SLCO6A1: variants seen among roughly 807,000 people sequenced by gnomAD.
The protein encoded by SLCO6A1 is solute carrier organic anion transporter family member 6A1.
In SLCO6A1, 65 loss-of-function variants were observed where a neutral mutation model predicts 72.7. The observed-to-expected ratio is 0.89, with a 90% confidence interval of 0.73 to 1.10. The LOEUF (loss-of-function observed/expected upper bound fraction) is 1.10, where lower values mean the gene tolerates loss of function less well. SLCO6A1 is among the 50% of genes least tolerant of loss of function. The pLI is 0.00. For synonymous variants in SLCO6A1, 314 were observed against 298.2 expected (o/e 1.05, Z -0.55); for missense variants, 874 against 872.6 (o/e 1.00, Z -0.02).
chr5:102,398,143 C>T (rs1222816263), intron 10 of SLCO6A1, among the ~76,000 whole-genome samples: 1 of 152,046 alleles, frequency 6.6e-6, no homozygotes, highest in African/African-American at 2.4e-5. Flanking sequence ...TAGATTTCTC[C>T]ATATTTTGTA....
intron 10 of SLCO6A1, among the ~76,000 whole-genome samples, chr5:102,397,863 T>C (rs1747182720): frequency 6.6e-6 from 1 of 152,136 alleles, no homozygotes; most frequent in Non-Finnish European, 1.5e-5. Flanking sequence ...ACTGAAACTA[T>C]AGTGTGTGTC....
chr5:102,408,195 A>G (rs1747776605), intron 9 of SLCO6A1, among the ~76,000 whole-genome samples: 1 of 152,122 alleles, frequency 6.6e-6, no homozygotes, highest in African/African-American at 2.4e-5. Context: ...TATTAATAAA[A>G]TAGAACAATT....
intron 4 of SLCO6A1, among the ~76,000 whole-genome samples, chr5:102,465,945 A>G (rs1156694630): frequency 6.6e-6 from 1 of 152,148 alleles, no homozygotes; most frequent in Non-Finnish European, 1.5e-5. Context: ...TCTCTACTAT[A>G]CAGCAGAAAC....
chr5:102,466,286 C>T (rs1364574924), intron 4 of SLCO6A1, among the ~76,000 whole-genome samples: 1 of 151,980 alleles, frequency 6.6e-6, no homozygotes, highest in Non-Finnish European at 1.5e-5. Flanking sequence ...ATTTGGTTTT[C>T]TATTCCTGCA....
At chr5:102,457,796 T>C (rs948380159) in intron 6 of SLCO6A1, among the ~76,000 whole-genome samples, 6 of 152,168 alleles carry the variant, frequency 3.9e-5, no homozygotes, top group East Asian at 3.9e-4. Context: ...TAAAGACACA[T>C]GCACATGTAT....
intron 7 of SLCO6A1, among the ~76,000 whole-genome samples, chr5:102,430,597 T>C (rs987635208): frequency 6.6e-6 from 1 of 152,168 alleles, no homozygotes; most frequent in African/African-American, 2.4e-5. Flanking sequence ...TGATAAATCA[T>C]GTTTATTGAC....
chr5:102,460,095 T>A (rs1750948110), intron 4 of SLCO6A1, among the ~76,000 whole-genome samples: 1 of 152,122 alleles, frequency 6.6e-6, no homozygotes, highest in Non-Finnish European at 1.5e-5. Flanking sequence ...AGAAGCTATG[T>A]ATTTGGAACA....
intron 7 of SLCO6A1, among the ~76,000 whole-genome samples, chr5:102,432,956 T>C (rs1749300768): frequency 6.6e-6 from 1 of 152,168 alleles, no homozygotes; most frequent in Admixed American, 6.5e-5. Flanking sequence ...TTTTTGTTCA[T>C]TTTGTTTGTT....
intron 6 of SLCO6A1, among the ~76,000 whole-genome samples, chr5:102,439,468 AATTT>A (rs1362632276): frequency 6.6e-6 from 1 of 152,078 alleles, no homozygotes; most frequent in Non-Finnish European, 1.5e-5. Context: ...ACATATTTCT[AATTT>A]ATTTAAATTT....
At chr5:102,466,596 C>T (rs907607064) in intron 4 of SLCO6A1, among the ~76,000 whole-genome samples, 10 of 151,888 alleles carry the variant, frequency 6.6e-5, no homozygotes, top group Non-Finnish European at 1.2e-4. Flanking sequence ...GAGGAATTAC[C>T]GCACTGTCTT....
chr5:102,483,540 C>G (rs1044473364), intron 1 of SLCO6A1, among the ~76,000 whole-genome samples: 10 of 152,136 alleles, frequency 6.6e-5, no homozygotes, highest in Non-Finnish European at 1.5e-4. Context: ...ACTGAAGTGG[C>G]AAGCAATTTT....
rs184803688 is a variant in SLCO6A1 at position 102,464,929 on chromosome 5, T to A, written c.900-5152A>T. On this transcript the variant is annotated intron_variant, in intron 4 of 13. Transcript: ENST00000506729. ...AGAAAAGTAGGGAGTGGAACTATAG[T>A]AGCAAACTGATGATATCCAACACAA... is the stretch of plus-strand genomic sequence containing the variant. Among the ~76,000 whole-genome samples the A allele has an allele frequency of 1.8e-4, 27 of 152,146 alleles. 1 individual carries two copies. The highest frequency in any genetic ancestry group is 1.6e-3 in the Admixed American group (24 of 15,274).
chr5:102,473,843 T>C (rs1466206149), intron 4 of SLCO6A1, among the ~76,000 whole-genome samples: 1 of 151,898 alleles, frequency 6.6e-6, no homozygotes, highest in East Asian at 1.9e-4. Flanking sequence ...ACACTGACAA[T>C]GAACAGTGTA....
At chr5:102,427,992 C>T (rs888377265) in intron 7 of SLCO6A1, among the ~76,000 whole-genome samples, 1 of 149,910 alleles carries the variant, frequency 6.7e-6, no homozygotes, top group African/African-American at 2.4e-5. Context: ...CCTTAGCCTC[C>T]CAAGTAGCTG....
intron 7 of SLCO6A1, among the ~76,000 whole-genome samples, chr5:102,422,984 G>T (rs1748689978): frequency 6.6e-6 from 1 of 152,142 alleles, no homozygotes. Flanking sequence ...CATTCTTAAA[G>T]AAAATAATTT....
intron 6 of SLCO6A1, among the ~76,000 whole-genome samples, chr5:102,450,677 G>A (rs1382610508): frequency 2.0e-5 from 3 of 152,340 alleles, no homozygotes; most frequent in African/African-American, 7.2e-5. Flanking sequence ...GATCTTGGCA[G>A]TGGCAATGGC....
intron 6 of SLCO6A1, among the ~76,000 whole-genome samples, chr5:102,441,387 T>C (rs1025456679): frequency 5.3e-5 from 8 of 152,276 alleles, no homozygotes; most frequent in African/African-American, 1.9e-4. Context: ...TGTGTAACAT[T>C]TAGTCTGTTG....
At chr5:102,440,927 G>A (rs998342729) in intron 6 of SLCO6A1, among the ~76,000 whole-genome samples, 2 of 151,996 alleles carry the variant, frequency 1.3e-5, no homozygotes, top group Non-Finnish European at 2.9e-5. Flanking sequence ...CTTAGCTATT[G>A]GGATTCTTTT....
intron 7 of SLCO6A1, among the ~76,000 whole-genome samples, chr5:102,437,414 C>T (rs1749600486): frequency 6.6e-6 from 1 of 152,130 alleles, no homozygotes; most frequent in Non-Finnish European, 1.5e-5. Flanking sequence ...GTTCAGCTGG[C>T]TAGATCCAGG....
Sources: gnomAD v4.1 joint callset for allele counts (sites outside exome capture counted in the v4.1 genomes callset) on GRCh38, gnomAD v4.1.1 for gene constraint, MANE v1.5 for transcripts, NCBI Gene and HGNC (gene_info 2026-07-23, HGNC 2026-07-21) for gene names.